KDSR: variants seen among roughly 807,000 people sequenced by gnomAD.
KDSR encodes the protein 3-ketodihydrosphingosine reductase.
KDSR carries 23 observed loss-of-function variants against 41.3 expected under a neutral mutation model. The ratio of observed to expected loss-of-function variants is 0.56; its 90% CI spans 0.40 to 0.79. The LOEUF is 0.79. KDSR is among the 30% of genes least tolerant of loss of function. The pLI, the probability that KDSR is intolerant of heterozygous loss-of-function variation, is 0.00. For missense variants in KDSR, 351 were observed against 416.8 expected (o/e 0.84, Z 1.37); for synonymous variants, 138 against 151.7 (o/e 0.91, Z 0.66).
intron 8 of KDSR, 114 bp from the exon 9 acceptor site, chr18:63,335,472 G>C: frequency 1.4e-6 from 1 of 724,270 alleles, no homozygotes; most frequent in Non-Finnish European, 2.4e-6. Flanking sequence ...AGATAAAATG[G>C]TCACAAAGCA....
rs1014251763 is a variant in KDSR, at chr18:63,329,680, A to C, written c.*2102T>G. On this transcript the variant is annotated 3_prime_UTR_variant, in exon 10 of 10. Coordinates refer to ENST00000645214, the MANE Select transcript of KDSR (RefSeq NM_002035.4). The stretch of plus-strand genomic sequence containing the variant: ...GGGTAGTAGATTACCATCTCACTGG[A>C]GGCAACAGGTTCTATGAGGATAATT... The C allele has an allele frequency of 1.0e-5, 2 of 196,068 alleles. No homozygotes were observed. The highest frequency in any genetic ancestry group is 2.1e-5 in the Non-Finnish European group (2 of 94,402). The allele number at this position is 196,068 out of a possible 1,614,324, so 12.1% of individuals were successfully genotyped here.
rs1394387659 is a variant in KDSR, at chr18:63,330,158, C to T, written c.*1624G>A. 5.1e-6 allele frequency: 1 copy of T among 194,698 alleles called. No homozygotes were observed. Among genetic ancestry groups the T allele is most frequent in the Non-Finnish European group, 1.1e-5 (1 of 93,526 alleles). The allele number at this position is 194,698 out of a possible 1,614,324, so 12.1% of individuals were successfully genotyped here. A position where few individuals can be genotyped will look rare whatever the true frequency, so the allele number is the denominator to read the frequency against. On this transcript the variant is annotated 3_prime_UTR_variant, in exon 10 of 10. Transcript: ENST00000645214. ...TTAAGTCATTTAAAGTCAAGAGCTT[C>T]AAAAACTCAAGAGCAAAAAAAAGGT...
intron 2 of KDSR, among the ~76,000 whole-genome samples, 183 bp from the exon 3 acceptor site, chr18:63,359,975 G>A (rs561223355): frequency 4.3e-4 from 65 of 152,314 alleles, no homozygotes; most frequent in African/African-American, 1.5e-3. Flanking sequence ...AAGTTGTGAA[G>A]TATGTTAAGC....
At chr18:63,334,462 T>A (rs1440238122) in intron 9 of KDSR, among the ~76,000 whole-genome samples, 1 of 151,972 alleles carries the variant, frequency 6.6e-6, no homozygotes, top group Non-Finnish European at 1.5e-5. Context: ...GTAATTCTCC[T>A]ACCTCAACCT....
intron 3 of KDSR, among the ~76,000 whole-genome samples, chr18:63,358,788 C>A (rs1313476584): frequency 2.6e-5 from 3 of 117,468 alleles, no homozygotes; most frequent in Non-Finnish European, 1.6e-5. Flanking sequence ...GCACTCCAGC[C>A]TGGGTGACAG....
At chr18:63,337,665 G>A (rs1914217187) in intron 8 of KDSR, among the ~76,000 whole-genome samples, 1 of 152,168 alleles carries the variant, frequency 6.6e-6, no homozygotes, top group South Asian at 2.1e-4. Context: ...GCTCACGCCT[G>A]TAATCCCAGC....
intron 7 of KDSR, among the ~76,000 whole-genome samples, chr18:63,340,955 G>A (rs1914325799): frequency 6.6e-6 from 1 of 152,184 alleles, no homozygotes; most frequent in Admixed American, 6.5e-5. Flanking sequence ...GGCAGAAGAA[G>A]ACATGATTCC....
Position 63,344,599 on chromosome 18 carries a change from A to G in KDSR, c.610-106T>C, listed in dbSNP as rs1165484533. 4 of 720,862 alleles carry G rather than the reference A, an allele frequency of 5.5e-6. No individual in the cohort carries two copies. In the East Asian group the frequency reaches 7.8e-5, roughly 14 times the overall value. 44.7% of individuals were successfully genotyped at this position (720,862 alleles called of 1,614,324 possible). A position where few individuals can be genotyped will look rare whatever the true frequency, so the allele number is the denominator to read the frequency against. On this transcript the variant is annotated intron_variant, in intron 6 of 9. Transcript: ENST00000645214. ...TGATTCCCAAAAAGCGGTGAGAACA[A>G]TGGGGTGATTCTGTTAGGCGGGGAA... is the stretch of plus-strand genomic sequence containing the variant.
intron 8 of KDSR, among the ~76,000 whole-genome samples, chr18:63,337,924 G>A (rs373506735): frequency 2.0e-5 from 3 of 152,040 alleles, no homozygotes; most frequent in South Asian, 2.1e-4. Flanking sequence ...GCAAAACTCC[G>A]TCTCAAAACA....
intron 7 of KDSR, among the ~76,000 whole-genome samples, chr18:63,343,173 C>T (rs2144357250): frequency 6.6e-6 from 1 of 152,176 alleles, no homozygotes; most frequent in East Asian, 1.9e-4. Flanking sequence ...CAAGAACGGA[C>T]TAATACACTA....
intron 3 of KDSR, among the ~76,000 whole-genome samples, chr18:63,357,857 A>C (rs1914845881): frequency 6.6e-6 from 1 of 152,050 alleles, no homozygotes; most frequent in Non-Finnish European, 1.5e-5. Context: ...GATTACAGGC[A>C]TGAGCCACCG....
At chr18:63,363,863 TA>T (rs1915061034) in intron 1 of KDSR, among the ~76,000 whole-genome samples, 1 of 152,220 alleles carries the variant, frequency 6.6e-6, no homozygotes, top group African/African-American at 2.4e-5. Context: ...TATTCACTGT[TA>T]TACATAAATC....
In KDSR at chr18:63,328,350, TTTTTC is replaced by T. The variant is rs1913868952; in HGVS notation, c.*3427_*3431del. 1.5e-5 allele frequency: 2 copies of T among 137,516 alleles called. No individual in the cohort carries two copies. Among genetic ancestry groups the T allele is most frequent in the South Asian group, 2.4e-4 (1 of 4,246 alleles). 8.5% of individuals were successfully genotyped at this position (137,516 alleles called of 1,614,324 possible). On this transcript the variant is annotated 3_prime_UTR_variant, in exon 10 of 10. Transcript: ENST00000645214. ...GTTTAACAGATCCAGATAAAGATTT[TTTTTC>T]TTTTTTTTTTTTTTTGAGACAGAGT...
chr18:63,361,227 AAAAAAAAAAAG>A (rs1382084497), intron 2 of KDSR, among the ~76,000 whole-genome samples: 2 of 138,680 alleles, frequency 1.4e-5, no homozygotes, highest in Admixed American at 1.5e-4. Flanking sequence ...AAAAAAAAAA[AAAAAAAAAAAG>A]AATGAATTAC....
intron 7 of KDSR, among the ~76,000 whole-genome samples, chr18:63,340,852 T>C (rs920412696): frequency 2.6e-5 from 4 of 152,190 alleles, no homozygotes; most frequent in Admixed American, 2.0e-4. Context: ...AACAGAAAAA[T>C]TAAGCAAAAG....
chr18:63,356,776 T>C (rs1465749468), intron 3 of KDSR, among the ~76,000 whole-genome samples: 1 of 152,204 alleles, frequency 6.6e-6, no homozygotes, highest in Admixed American at 6.5e-5. Flanking sequence ...CTTCACACCA[T>C]ACTCCTTCGT....
chr18:63,366,705 G>T (rs939993069), intron 1 of KDSR: 4 of 311,768 alleles, frequency 1.3e-5, no homozygotes, highest in Non-Finnish European at 1.8e-5. Context: ...TCCCAGGGAT[G>T]TTGCATGGAT....
rs747802228 is a variant in KDSR, at chr18:63,331,597, TTAA to T, written c.*182_*184del. On this transcript the variant is annotated 3_prime_UTR_variant, in exon 10 of 10. Coordinates refer to ENST00000645214, the MANE Select transcript of KDSR (RefSeq NM_002035.4). ...TCTCCTATTCCATATTTGCATAGTA[TTAA>T]TAATACTGTCAGGAGGTGAACTTCT... 23 of 535,866 alleles carry T rather than the reference TTAA, an allele frequency of 4.3e-5. No homozygotes were observed. The highest frequency in any genetic ancestry group is 6.9e-5 in the Non-Finnish European group (21 of 303,348). 33.2% of individuals were successfully genotyped at this position (535,866 alleles called of 1,614,324 possible).
chr18:63,359,125 G>GC (rs1914888913), intron 3 of KDSR, among the ~76,000 whole-genome samples: 1 of 139,708 alleles, frequency 7.2e-6, no homozygotes, highest in Admixed American at 7.7e-5. Context: ...GCTGCAGTGA[G>GC]CTGAGATCGC....
Sources: gnomAD v4.1 joint callset for allele counts (sites outside exome capture counted in the v4.1 genomes callset) on GRCh38, gnomAD v4.1.1 for gene constraint, MANE v1.5 for transcripts, NCBI Gene and HGNC (gene_info 2026-07-23, HGNC 2026-07-21) for gene names.